The following ARFGEF3 variants were observed in gnomAD, a reference collection of about 807,000 sequenced individuals.
ARFGEF3 encodes brefeldin A-inhibited guanine nucleotide-exchange protein 3.
ARFGEF3 carries 96 observed loss-of-function variants against 221.7 expected under a neutral mutation model. The ratio of observed to expected loss-of-function variants is 0.43; its 90% CI spans 0.37 to 0.51. ARFGEF3 has a LOEUF of 0.51. Ranked by LOEUF, ARFGEF3 falls within the 20% of genes least tolerant of loss-of-function variation. The pLI, the probability that ARFGEF3 is intolerant of heterozygous loss-of-function variation, is 0.00. For missense variants in ARFGEF3, 2,410 were observed against 2,789.9 expected (o/e 0.86, Z 3.07); for synonymous variants, 1,145 against 1,126.8 (o/e 1.02, Z -0.32).
At position 138,286,758 on chromosome 6, in the gene ARFGEF3, T is replaced by C; in HGVS notation, c.2627T>C (p.Leu876Ser). ...VGCWKNLIDT[L>S]STPLTGRMAG... is the part of the protein sequence containing the mutation. ...TGCTGGAAGAACTTGATCGATACTT[T>C]ATCAACCCCACTGACTGGTCGAATG... The change falls in exon 16 of 34, where the codon TTA becomes TCA. Residue 876 changes from leucine (L) to serine (S), a missense_variant. Physicochemically the swap from Leu to Ser is moderately radical, Grantham distance 145 (BLOSUM62 -2). Coordinates refer to ENST00000251691, the MANE Select transcript of ARFGEF3 (RefSeq NM_020340.5). The C allele has an allele frequency of 1.2e-6, 2 of 1,614,046 alleles. No individual in the cohort carries two copies. Among genetic ancestry groups the C allele is most frequent in the Non-Finnish European group, 8.5e-7 (1 of 1,179,896 alleles).
intron 8 of ARFGEF3, among the ~76,000 whole-genome samples, chr6:138,249,000 C>A (rs745551829): frequency 3.2e-4 from 48 of 152,272 alleles, no homozygotes; most frequent in Non-Finnish European, 5.6e-4. Context: ...GTTCTTTAAA[C>A]CTGGATGGTT....
chr6:138,228,217 C>T (rs2114530171), intron 4 of ARFGEF3, among the ~76,000 whole-genome samples: 1 of 141,784 alleles, frequency 7.1e-6, no homozygotes, highest in East Asian at 2.0e-4. Context: ...CACTCTGTCA[C>T]CCAGGCTGGA....
chr6:138,186,962 C>T (rs1043248098), intron 2 of ARFGEF3, among the ~76,000 whole-genome samples: 27 of 120,858 alleles, frequency 2.2e-4, no homozygotes, highest in African/African-American at 8.7e-4. Flanking sequence ...GTTGCCCAGG[C>T]AGGAGTGCAA....
chr6:138,253,897 A>G lies in ARFGEF3; in HGVS notation c.683A>G (p.Gln228Arg), dbSNP rs759362557. 2 of 1,586,728 alleles carry G rather than the reference A, an allele frequency of 1.3e-6. No homozygotes were observed. Among genetic ancestry groups the G allele is most frequent in the Non-Finnish European group, 1.7e-6 (2 of 1,166,494 alleles). Residue 228 changes from glutamine (Q) to arginine (R), a missense_variant, in exon 9 of 34, where the codon CAG becomes CGG. Gln to Arg is a conservative substitution (Grantham distance 43). Around this residue, in one of 5 missense-constraint regions of ARFGEF3, gnomAD observed 570 missense variants for 586.9 expected, o/e 0.97. Coordinates refer to ENST00000251691, the MANE Select transcript of ARFGEF3 (RefSeq NM_020340.5). ...TTCTGCAGTGACAGCCAGCAGCTGC[A>G]GCTTCTCTACCTGGAGTGCATCCTG... ...QAAINDSQQL[Q>R]LLYLECILSV...
chr6:138,248,159 G>A (rs1165579255), intron 8 of ARFGEF3, among the ~76,000 whole-genome samples: 1 of 152,198 alleles, frequency 6.6e-6, no homozygotes, highest in Non-Finnish European at 1.5e-5. Flanking sequence ...AGTCATAGGG[G>A]AGAGGGACAT....
chr6:138,264,915 T>A (rs1245375975), intron 12 of ARFGEF3, among the ~76,000 whole-genome samples: 1 of 151,354 alleles, frequency 6.6e-6, no homozygotes, highest in African/African-American at 2.4e-5. Context: ...TTTTTTTTTT[T>A]TTTTCTGAGA....
intron 5 of ARFGEF3, among the ~76,000 whole-genome samples, chr6:138,234,119 G>T (rs1333793747): frequency 6.6e-6 from 1 of 152,154 alleles, no homozygotes; most frequent in African/African-American, 2.4e-5. Flanking sequence ...CCTCTTACTT[G>T]CATGGCTTGT....
chr6:138,230,010 C>T (rs1778163147), intron 5 of ARFGEF3, among the ~76,000 whole-genome samples, 158 bp downstream of exon 5: 1 of 152,082 alleles, frequency 6.6e-6, no homozygotes, highest in Admixed American at 6.6e-5. Context: ...GGGAAGCGTG[C>T]TGTGTGGTGC....
At chr6:138,229,206 G>A (rs527654276) in intron 4 of ARFGEF3, among the ~76,000 whole-genome samples, 1 of 152,342 alleles carries the variant, frequency 6.6e-6, no homozygotes, top group South Asian at 2.1e-4. Context: ...AAAGGGATAG[G>A]AATAGAAAAT....
intron 14 of ARFGEF3, among the ~76,000 whole-genome samples, chr6:138,285,295 C>T (rs181268708): frequency 2.6e-5 from 4 of 151,922 alleles, no homozygotes; most frequent in South Asian, 2.1e-4. Context: ...AACCCCTGTA[C>T]AAAAAATTAG....
In ARFGEF3 at chr6:138,298,765, G is replaced by C. The variant is rs927975155; in HGVS notation, c.3808G>C (p.Asp1270His). The change falls in exon 22 of 34, where the codon GAT (aspartate) becomes CAT (histidine). Residue 1270 changes from aspartate to histidine, a missense_variant. By Grantham distance (81) the Asp-to-His change is moderately conservative. This residue lies in a region of ARFGEF3 where 723 missense variants were observed against 991.9 expected (regional missense o/e 0.73). Coordinates refer to ENST00000251691, the MANE Select transcript of ARFGEF3 (RefSeq NM_020340.5). ...FERIMQLELC[D>H]EDVQDQVVTS... is the part of the protein sequence containing the mutation. ...GCGCATTATGCAGCTGGAATTGTGT[G>C]ATGAGGACGTCCAAGACCAGGTCAG... 2 of 1,612,696 alleles carry C rather than the reference G, an allele frequency of 1.2e-6. No individual in the cohort carries two copies. Among genetic ancestry groups the C allele is most frequent in the South Asian group, 2.2e-5 (2 of 90,684 alleles).
chr6:138,267,301 T>A (rs1271614978), intron 12 of ARFGEF3, among the ~76,000 whole-genome samples: 1 of 152,110 alleles, frequency 6.6e-6, no homozygotes, highest in Admixed American at 6.6e-5. Flanking sequence ...GGTGCATGCC[T>A]GTAATCCCAG....
Position 138,270,463 on chromosome 6 carries a change from C to CACATAT in ARFGEF3, c.2128+6853_2128+6854insCATATA, listed in dbSNP as rs879929949. 8.1e-5 allele frequency among the ~76,000 whole-genome samples: 10 copies of CACATAT among 123,890 alleles called. No homozygotes were observed. In the South Asian group the frequency reaches 2.4e-3, roughly 30 times the overall value. 81.3% of individuals were successfully genotyped at this position (123,890 alleles called of 152,430 possible). A position where few individuals can be genotyped will look rare whatever the true frequency, so the allele number is the denominator to read the frequency against. On this transcript the variant is annotated intron_variant, in intron 12 of 33. Transcript: ENST00000251691. ...ACACACACACACACACACACACACA[C>CACATAT]ATATATATATCTGGGCTCTAGCCAT... is the stretch of plus-strand genomic sequence containing the variant.
chr6:138,326,015 C>T (rs1583068777), intron 31 of ARFGEF3, among the ~76,000 whole-genome samples: 1 of 152,078 alleles, frequency 6.6e-6, no homozygotes, highest in South Asian at 2.1e-4. Flanking sequence ...CACCACCACA[C>T]CCAGCTAATT....
At chr6:138,269,705 G>A (rs1778963838) in intron 12 of ARFGEF3, among the ~76,000 whole-genome samples, 1 of 152,120 alleles carries the variant, frequency 6.6e-6, no homozygotes, top group Non-Finnish European at 1.5e-5. Flanking sequence ...TACTCGGGAG[G>A]CTGAGGCAGT....
intron 27 of ARFGEF3, among the ~76,000 whole-genome samples, chr6:138,318,398 T>C (rs904624579): frequency 6.6e-6 from 1 of 152,222 alleles, no homozygotes; most frequent in Non-Finnish European, 1.5e-5. Flanking sequence ...ATATATAAGA[T>C]GTTTGCTGAA....
intron 2 of ARFGEF3, among the ~76,000 whole-genome samples, chr6:138,172,632 A>G (rs1191116824): frequency 6.6e-6 from 1 of 152,206 alleles, no homozygotes; most frequent in Non-Finnish European, 1.5e-5. Flanking sequence ...TATGTTTTTG[A>G]TGATGTCTCC....
intron 4 of ARFGEF3, chr6:138,217,733 A>C: frequency 2.3e-6 from 1 of 425,832 alleles, no homozygotes; most frequent in South Asian, 6.3e-5. Context: ...GGTAGTTTTT[A>C]ATGGCCCACT....
chr6:138,255,398 T>C, intron 9 of ARFGEF3, 38 bp from the exon 10 acceptor site: 2 of 1,464,428 alleles, frequency 1.4e-6, no homozygotes, highest in South Asian at 1.3e-5. Context: ...ATCATTTGGC[T>C]CGTGGGGAAA....
Sources: allele counts gnomAD v4.1 joint callset (sites outside exome capture counted in the v4.1 genomes callset), GRCh38; gene constraint gnomAD v4.1.1; regional missense constraint gnomAD v4.1.1; transcripts MANE v1.5; gene names NCBI Gene and HGNC (gene_info 2026-07-23, HGNC 2026-07-21).